Variants in SLC35F1 observed in about 807,000 individuals in gnomAD.
SLC35F1 encodes solute carrier family 35 member F1.
SLC35F1 carries 14 observed loss-of-function variants against 48.7 expected under a neutral mutation model. That is an observed-to-expected ratio of 0.29 (90% CI 0.19 to 0.45). SLC35F1 has a LOEUF of 0.45. Among genes scored for constraint, SLC35F1 ranks in the 20% least tolerant of loss-of-function variants. The pLI, the probability that SLC35F1 is intolerant of heterozygous loss-of-function variation, is 1.00. For missense variants in SLC35F1, 404 were observed against 500.0 expected, an observed-to-expected ratio of 0.81 and a Z score of 1.83; for synonymous variants, 190 against 202.2, an observed-to-expected ratio of 0.94 and a Z score of 0.51.
At chr6:118,154,756 CA>C in intron 2 of SLC35F1, 136 bp downstream of exon 2, 1 of 739,234 alleles carries the variant, frequency 1.4e-6, no homozygotes, top group Non-Finnish European at 2.1e-6. Context: ...TTCTATTTTG[CA>C]GTAATACAGT....
At chr6:118,149,652 A>G (rs1352151317) in intron 1 of SLC35F1, among the ~76,000 whole-genome samples, 2 of 152,206 alleles carry the variant, frequency 1.3e-5, no homozygotes, top group Non-Finnish European at 2.9e-5. Context: ...CCGGTTTTAC[A>G]TGTCGTGCTC....
intron 2 of SLC35F1, among the ~76,000 whole-genome samples, chr6:118,225,567 G>A (rs1775204432): frequency 1.3e-5 from 2 of 152,206 alleles, no homozygotes; most frequent in South Asian, 4.1e-4. Flanking sequence ...AAATATTCCA[G>A]GACGTTGCTC....
At chr6:118,240,225 G>T (rs1309714877) in intron 3 of SLC35F1, among the ~76,000 whole-genome samples, 1 of 152,222 alleles carries the variant, frequency 6.6e-6, no homozygotes, top group East Asian at 1.9e-4. Flanking sequence ...ACCAAGTGTG[G>T]CAAGAGAGCA....
At chr6:118,014,837 C>A (rs993929853) in intron 1 of SLC35F1, among the ~76,000 whole-genome samples, 4 of 152,194 alleles carry the variant, frequency 2.6e-5, no homozygotes, top group African/African-American at 9.7e-5. Flanking sequence ...GTGCATTAGG[C>A]AATAGCCATC....
chr6:118,159,612 A>G (rs868686066), intron 2 of SLC35F1, among the ~76,000 whole-genome samples: 20 of 152,196 alleles, frequency 1.3e-4, no homozygotes, highest in African/African-American at 4.8e-4. Flanking sequence ...ATCAGGAAGC[A>G]GAGGAACAAA....
At chr6:118,237,776 G>T (rs1775384591) in intron 3 of SLC35F1, among the ~76,000 whole-genome samples, 1 of 152,144 alleles carries the variant, frequency 6.6e-6, no homozygotes, top group South Asian at 2.1e-4. Flanking sequence ...AAACCTTTTA[G>T]ATACGTCGTA....
intron 1 of SLC35F1, among the ~76,000 whole-genome samples, chr6:118,095,009 A>G (rs1773130445): frequency 6.6e-6 from 1 of 150,766 alleles, no homozygotes; most frequent in Admixed American, 6.6e-5. Context: ...GTGTGTGCAT[A>G]TGATTCGAGC....
chr6:117,994,862 A>G (rs1050582578), intron 1 of SLC35F1, among the ~76,000 whole-genome samples: 4 of 152,240 alleles, frequency 2.6e-5, no homozygotes, highest in African/African-American at 9.6e-5. Flanking sequence ...CAAAATTTAC[A>G]TGCCTATTTT....
At chr6:118,051,182 C>A (rs558932081) in intron 1 of SLC35F1, among the ~76,000 whole-genome samples, 48 of 152,196 alleles carry the variant, frequency 3.2e-4, no homozygotes, top group South Asian at 2.9e-3. Context: ...TCTGGATTGT[C>A]GACTTTTACC....
intron 1 of SLC35F1, among the ~76,000 whole-genome samples, chr6:118,010,638 C>T (rs1777231230): frequency 6.6e-6 from 1 of 152,184 alleles, no homozygotes; most frequent in South Asian, 2.1e-4. Flanking sequence ...ACAGTCCACT[C>T]ATGTTGTATA....
chr6:118,007,501 T>C (rs1166721587), intron 1 of SLC35F1, among the ~76,000 whole-genome samples: 1 of 152,198 alleles, frequency 6.6e-6, no homozygotes, highest in East Asian at 1.9e-4. Context: ...TATTATGTGA[T>C]GGCTCATGTT....
Position 117,907,618 on chromosome 6 carries a change from C to T in SLC35F1, c.-109C>T. On this transcript the variant is annotated 5_prime_UTR_variant, in exon 1 of 8. Coordinates refer to ENST00000360388, the MANE Select transcript of SLC35F1 (RefSeq NM_001029858.4). Reference sequence around the variant, plus strand: ...ACCGCTTCGCAGGCAGCACCGCCTCCCGGGCCGCGGCCGCCCGGCCGGGTC... The same window carrying T: ...ACCGCTTCGCAGGCAGCACCGCCTCTCGGGCCGCGGCCGCCCGGCCGGGTC... The T allele has an allele frequency of 1.7e-6, 1 of 584,560 alleles. No individual in the cohort carries two copies. Among genetic ancestry groups the T allele is most frequent in the Non-Finnish European group, 2.6e-6 (1 of 379,806 alleles). 36.2% of individuals were successfully genotyped at this position (584,560 alleles called of 1,614,324 possible).
At chr6:118,260,495 C>T (rs1447078674) in intron 3 of SLC35F1, among the ~76,000 whole-genome samples, 2 of 151,956 alleles carry the variant, frequency 1.3e-5, no homozygotes, top group Admixed American at 6.6e-5. Context: ...GTGTCTTTAT[C>T]CTAAACTGGG....
intron 1 of SLC35F1, among the ~76,000 whole-genome samples, chr6:118,144,445 G>C (rs576117287): frequency 2.0e-5 from 3 of 151,976 alleles, no homozygotes; most frequent in Admixed American, 6.6e-5. Context: ...AGGGGGTCGG[G>C]GGGAGGGAGA....
intron 1 of SLC35F1, among the ~76,000 whole-genome samples, chr6:118,065,727 C>A (rs1267422011): frequency 6.6e-6 from 1 of 152,102 alleles, no homozygotes; most frequent in Admixed American, 6.5e-5. Flanking sequence ...TTTTATAATG[C>A]AGATTACTTT....
intron 1 of SLC35F1, among the ~76,000 whole-genome samples, chr6:118,153,164 A>G (rs1774088123): frequency 6.6e-6 from 1 of 152,192 alleles, no homozygotes; most frequent in Non-Finnish European, 1.5e-5. Flanking sequence ...ATGGACTCAC[A>G]TCTGTTATGG....
chr6:118,301,474 T>C (rs974167441), intron 7 of SLC35F1, among the ~76,000 whole-genome samples: 2 of 152,272 alleles, frequency 1.3e-5, no homozygotes, highest in East Asian at 3.9e-4. Flanking sequence ...CATAACTGTA[T>C]GCAGTGTTAA....
intron 2 of SLC35F1, among the ~76,000 whole-genome samples, chr6:118,180,745 A>G (rs982987385): frequency 1.4e-4 from 22 of 152,076 alleles, no homozygotes; most frequent in Non-Finnish European, 3.1e-4. Context: ...CAGATTCCGG[A>G]AGGAGATTAT....
At chr6:118,212,444 C>T (rs1775011498) in intron 2 of SLC35F1, among the ~76,000 whole-genome samples, 2 of 152,122 alleles carry the variant, frequency 1.3e-5, no homozygotes, top group Non-Finnish European at 2.9e-5. Flanking sequence ...AATCCCACCA[C>T]TTTGTGAGGG....
Sources: gnomAD v4.1 joint callset for allele counts (sites outside exome capture counted in the v4.1 genomes callset) on GRCh38, gnomAD v4.1.1 for gene constraint, MANE v1.5 for transcripts, NCBI Gene and HGNC (gene_info 2026-07-23, HGNC 2026-07-21) for gene names.